DLGAP2: variants seen among roughly 807,000 people sequenced by gnomAD.
The protein encoded by DLGAP2 is DLG associated protein 2.
In DLGAP2, 26 loss-of-function variants were observed where a neutral mutation model predicts 100.3. The ratio of observed to expected loss-of-function variants is 0.26; its 90% confidence interval spans 0.19 to 0.36. The LOEUF is 0.36. Ranked by LOEUF, DLGAP2 falls within the 10% of genes least tolerant of loss-of-function variation. The pLI is 1.00. For synonymous variants in DLGAP2, 886 were observed against 630.1 expected (o/e 1.41, Z -6.08); for missense variants, 1,858 against 1,453.2 (o/e 1.28, Z -4.53).
At chr8:1,099,616 G>T (rs2129043417) in intron 2 of DLGAP2, among the ~76,000 whole-genome samples, 1 of 152,338 alleles carries the variant, frequency 6.6e-6, no homozygotes, top group East Asian at 1.9e-4. Context: ...TCTATGTGAA[G>T]CTTTGAAGCT....
At chr8:1,468,129 G>A (rs768588283) in intron 3 of DLGAP2, among the ~76,000 whole-genome samples, 1 of 152,226 alleles carries the variant, frequency 6.6e-6, no homozygotes, top group Admixed American at 6.5e-5. Flanking sequence ...GAGCAGGGAG[G>A]TCCAGGCAGG....
intron 2 of DLGAP2, among the ~76,000 whole-genome samples, chr8:1,182,280 G>T (rs368904700): frequency 1.3e-5 from 2 of 152,262 alleles, no homozygotes; most frequent in Non-Finnish European, 2.9e-5. Context: ...ATGGAGAAAA[G>T]GGCAAAGCTG....
At chr8:1,387,187 C>G (rs891460572) in intron 3 of DLGAP2, among the ~76,000 whole-genome samples, 3 of 152,096 alleles carry the variant, frequency 2.0e-5, no homozygotes, top group Non-Finnish European at 2.9e-5. Context: ...GAGGTGAGGG[C>G]TTGTCTGTGG....
intron 1 of DLGAP2, among the ~76,000 whole-genome samples, chr8:762,812 G>A (rs1289385033): frequency 1.3e-5 from 2 of 151,848 alleles, no homozygotes; most frequent in Non-Finnish European, 2.9e-5. Context: ...GGAGTAACTG[G>A]GATCACAGGT....
chr8:1,639,203 G>A (rs1001810564), intron 8 of DLGAP2, among the ~76,000 whole-genome samples: 1 of 152,090 alleles, frequency 6.6e-6, no homozygotes, highest in African/African-American at 2.4e-5. Context: ...GAACAGGAGG[G>A]TATAGAAAGA....
chr8:1,010,795 A>G (rs1462152618), intron 2 of DLGAP2, among the ~76,000 whole-genome samples: 2 of 152,196 alleles, frequency 1.3e-5, no homozygotes, highest in African/African-American at 4.8e-5. Context: ...GTTAAACTTT[A>G]AAAACACCTC....
intron 6 of DLGAP2, among the ~76,000 whole-genome samples, chr8:1,607,969 GCC>G (rs1796864397): frequency 7.1e-6 from 1 of 140,232 alleles, no homozygotes; most frequent in Non-Finnish European, 1.6e-5. Flanking sequence ...GGGGAGGGGC[GCC>G]CGCCATTGCC....
chr8:1,254,844 G>A (rs1453906243), intron 2 of DLGAP2, among the ~76,000 whole-genome samples: 3 of 150,704 alleles, frequency 2.0e-5, no homozygotes, highest in South Asian at 2.1e-4. Context: ...CTTTTCCTCC[G>A]TGGGCCTCAC....
At chr8:1,065,708 G>A (rs1313022731) in intron 2 of DLGAP2, among the ~76,000 whole-genome samples, 1 of 152,118 alleles carries the variant, frequency 6.6e-6, no homozygotes, top group Non-Finnish European at 1.5e-5. Flanking sequence ...TGTGCTGAAC[G>A]TCGGCACTTC....
Position 886,787 on chromosome 8 carries a change from A to G in DLGAP2, c.19-21125A>G, listed in dbSNP as rs565404612. Among the ~76,000 whole-genome samples, 358 of 152,350 alleles carry G rather than the reference A, an allele frequency of 2.3e-3. 1 individual carries two copies. The highest frequency in any genetic ancestry group is 8.1e-3 in the African/African-American group (338 of 41,580). On this transcript the variant is annotated intron_variant, in intron 1 of 14. Coordinates refer to ENST00000637795, the MANE Select transcript of DLGAP2 (RefSeq NM_001346810.2). ...TTTGCTGAGGAGTGTTTTACTTCCA[A>G]TTACGTGGCTGATTTCATAATAGTT... is the stretch of plus-strand genomic sequence containing the variant.
chr8:988,853 C>CT (rs541565296), intron 2 of DLGAP2, among the ~76,000 whole-genome samples: 4 of 152,192 alleles, frequency 2.6e-5, no homozygotes, highest in Non-Finnish European at 5.9e-5. Flanking sequence ...GGTGGCACTG[C>CT]TGTCCCACAG....
intron 1 of DLGAP2, among the ~76,000 whole-genome samples, chr8:803,274 C>T (rs760475396): frequency 2.2e-4 from 33 of 152,204 alleles, no homozygotes; most frequent in African/African-American, 2.7e-4. Context: ...CTGGAGCTCA[C>T]GCCCCATTTT....
chr8:1,054,598 C>T (rs1005474432), intron 2 of DLGAP2, among the ~76,000 whole-genome samples: 3 of 152,086 alleles, frequency 2.0e-5, no homozygotes, highest in African/African-American at 7.2e-5. Flanking sequence ...ATAAAACATG[C>T]CCAGTAATTT....
intron 1 of DLGAP2, among the ~76,000 whole-genome samples, chr8:766,808 A>C (rs1227962287): frequency 6.6e-6 from 1 of 152,194 alleles, no homozygotes; most frequent in Non-Finnish European, 1.5e-5. Flanking sequence ...CACTGTGTCC[A>C]TCCTGAGGCT....
chr8:1,374,970 G>A (rs536151011), intron 3 of DLGAP2, among the ~76,000 whole-genome samples: 103 of 151,706 alleles, frequency 6.8e-4, no homozygotes, highest in African/African-American at 2.4e-3. Context: ...TCGATCTCAA[G>A]CCCAATACCA....
intron 1 of DLGAP2, among the ~76,000 whole-genome samples, chr8:762,534 C>T (rs1240426957): frequency 6.6e-6 from 1 of 152,182 alleles, no homozygotes; most frequent in Non-Finnish European, 1.5e-5. Flanking sequence ...CGAGTCGCCA[C>T]TTTGCTGACT....
At chr8:1,507,085 C>G (rs1563189975) in intron 4 of DLGAP2, among the ~76,000 whole-genome samples, 1 of 152,272 alleles carries the variant, frequency 6.6e-6, no homozygotes, top group Non-Finnish European at 1.5e-5. Context: ...CCACCGGACT[C>G]AGGAGCCCAG....
At chr8:1,179,832 T>G (rs981039825) in intron 2 of DLGAP2, among the ~76,000 whole-genome samples, 2 of 152,204 alleles carry the variant, frequency 1.3e-5, no homozygotes, top group African/African-American at 4.8e-5. Context: ...TACCCAGTGA[T>G]TGCTAAGAAT....
intron 2 of DLGAP2, among the ~76,000 whole-genome samples, chr8:986,909 C>T (rs1800504144): frequency 6.6e-6 from 1 of 152,176 alleles, no homozygotes. Context: ...ATCCACCCGT[C>T]TCGACCTTCC....
Sources: allele counts gnomAD v4.1 joint callset (sites outside exome capture counted in the v4.1 genomes callset), GRCh38; gene constraint gnomAD v4.1.1; transcripts MANE v1.5; gene names NCBI Gene and HGNC (gene_info 2026-07-23, HGNC 2026-07-21).